MAGI2: variants seen among roughly 807,000 people sequenced by gnomAD.
MAGI2 encodes membrane associated guanylate kinase, WW and PDZ domain containing 2, also known as membrane-associated guanylate kinase, WW and PDZ domain-containing protein 2.
MAGI2 carries 35 observed loss-of-function variants against 133.3 expected under a neutral mutation model. That is an observed-to-expected ratio of 0.26 (90% CI 0.20 to 0.35). The LOEUF (loss-of-function observed/expected upper bound fraction) is 0.35. MAGI2 is among the 10% of genes least tolerant of loss of function. The pLI is 1.00. For synonymous variants in MAGI2, 729 were observed against 710.6 expected (o/e 1.03, Z -0.41); for missense variants, 1,636 against 1,863.4 (o/e 0.88, Z 2.25).
chr7:78,058,003 A>ATATATGTGTGTGTGTGTGTGTGTGTGTG lies in MAGI2; in HGVS notation c.3706+20943_3706+20944insCACACACACACACACACACACACATATA. Among the ~76,000 whole-genome samples the ATATATGTGTGTGTGTGTGTGTGTGTGTG allele has an allele frequency of 1.3e-3, 158 of 117,040 alleles. 4 individuals carry two copies. The highest frequency in any genetic ancestry group is 4.9e-3 in the African/African-American group (150 of 30,572). The allele number at this position is 117,040 out of a possible 152,430, so 76.8% of individuals were successfully genotyped here. A position where few individuals can be genotyped will look rare whatever the true frequency, so the allele number is the denominator to read the frequency against. On this transcript the variant is annotated intron_variant, in intron 21 of 21. Coordinates refer to ENST00000354212, the MANE Select transcript of MAGI2 (RefSeq NM_012301.4). Reference sequence around the variant, plus strand: ...TATATATATATATATATATATATATATGTATGAGAAACATCTTGAATATAA... The same window carrying ATATATGTGTGTGTGTGTGTGTGTGTGTG: ...TATATATATATATATATATATATATATATATGTGTGTGTGTGTGTGTGTGTGTGTGTATGAGAAACATCTTGAATATAA...
At chr7:79,091,009 A>G (rs542400517) in intron 1 of MAGI2, among the ~76,000 whole-genome samples, 2 of 148,434 alleles carry the variant, frequency 1.3e-5, no homozygotes, top group South Asian at 2.1e-4. Flanking sequence ...TTTTTCCTTT[A>G]TAAAACTCTT....
chr7:79,258,367 GA>G (rs1833848217), intron 1 of MAGI2, among the ~76,000 whole-genome samples: 1 of 152,092 alleles, frequency 6.6e-6, no homozygotes, highest in Non-Finnish European at 1.5e-5. Flanking sequence ...ATCAACAGGG[GA>G]AAAAACTTTA....
chr7:78,284,750 G>A (rs1200559845), intron 9 of MAGI2, among the ~76,000 whole-genome samples: 1 of 152,026 alleles, frequency 6.6e-6, no homozygotes, highest in Non-Finnish European at 1.5e-5. Context: ...TCATCAAAAT[G>A]GGAGCAGAAT....
chr7:78,275,522 C>A (rs1183531235), intron 9 of MAGI2, among the ~76,000 whole-genome samples: 1 of 151,958 alleles, frequency 6.6e-6, no homozygotes, highest in Non-Finnish European at 1.5e-5. Flanking sequence ...TTTGAATGGG[C>A]TAGTCAGCCT....
chr7:78,869,046 C>A (rs1794822599), intron 2 of MAGI2, among the ~76,000 whole-genome samples: 2 of 152,172 alleles, frequency 1.3e-5, no homozygotes, highest in Non-Finnish European at 2.9e-5. Context: ...AGCCACCATG[C>A]CCAGCCCCAA....
chr7:79,080,638 TATATTC>T (rs1815956103), intron 1 of MAGI2, among the ~76,000 whole-genome samples: 1 of 152,068 alleles, frequency 6.6e-6, no homozygotes, highest in Admixed American at 6.6e-5. Context: ...TCAAAGCTCT[TATATTC>T]TAATGGGTGT....
intron 2 of MAGI2, among the ~76,000 whole-genome samples, chr7:78,843,649 T>C (rs752626474): frequency 7.1e-4 from 108 of 151,876 alleles, no homozygotes; most frequent in Non-Finnish European, 6.3e-4. Flanking sequence ...TGTAGTCTTC[T>C]ATTAGACTTA....
intron 13 of MAGI2, among the ~76,000 whole-genome samples, chr7:78,180,787 C>T (rs1456705739): frequency 6.6e-6 from 1 of 152,092 alleles, no homozygotes; most frequent in African/African-American, 2.4e-5. Context: ...GAGAAGAATG[C>T]TGGTAGATGT....
At position 78,588,800 on chromosome 7, in the gene MAGI2, C is replaced by CTTTA. The variant is rs571107611; in HGVS notation, c.538+38319_538+38320insTAAA. Reference sequence around the variant, plus strand: ...ACTTTTTAAAGTGGCAAGTTTTTCCCAGTGTGCTCCAAATGTGATCAGATT... The same window carrying CTTTA: ...ACTTTTTAAAGTGGCAAGTTTTTCCCTTTAAGTGTGCTCCAAATGTGATCAGATT... On this transcript the variant is annotated intron_variant, in intron 3 of 21. Transcript: ENST00000354212. Among the ~76,000 whole-genome samples, 16 of 152,266 alleles carry CTTTA rather than the reference C, an allele frequency of 1.1e-4. No individual in the cohort carries two copies. The East Asian group carries it at 3.1e-3, about 29-fold the overall frequency.
chr7:78,057,971 A>G (rs923285331), intron 21 of MAGI2, among the ~76,000 whole-genome samples: 53 of 83,560 alleles, frequency 6.3e-4, no homozygotes, highest in South Asian at 1.3e-3. Context: ...CATTTTATAT[A>G]TATGTGTATA....
intron 21 of MAGI2, among the ~76,000 whole-genome samples, chr7:78,071,565 T>C (rs1814709069): frequency 6.6e-6 from 1 of 152,154 alleles, no homozygotes; most frequent in Non-Finnish European, 1.5e-5. Flanking sequence ...AAAGCCCCTG[T>C]CTCTGGCTCC....
chr7:78,157,337 T>C (rs539871599), intron 16 of MAGI2, among the ~76,000 whole-genome samples: 1 of 152,336 alleles, frequency 6.6e-6, no homozygotes, highest in African/African-American at 2.4e-5. Flanking sequence ...AATAATATCA[T>C]TTTGAAAGTG....
At chr7:79,334,454 C>T (rs1028696829) in intron 1 of MAGI2, among the ~76,000 whole-genome samples, 2 of 152,108 alleles carry the variant, frequency 1.3e-5, no homozygotes, top group African/African-American at 4.8e-5. Context: ...TTAAAAGCCC[C>T]TGACTTTGAT....
intron 3 of MAGI2, among the ~76,000 whole-genome samples, chr7:78,612,152 G>A (rs1806520334): frequency 6.6e-6 from 1 of 151,996 alleles, no homozygotes; most frequent in Non-Finnish European, 1.5e-5. Context: ...TAATAGAAGA[G>A]TTATAAACAT....
chr7:78,158,308 T>C (rs1316060124), intron 16 of MAGI2: 1 of 152,144 alleles, frequency 6.6e-6, no homozygotes, highest in Non-Finnish European at 1.5e-5. Context: ...CTATCCTCTC[T>C]TCTGTTCTAC....
intron 1 of MAGI2, among the ~76,000 whole-genome samples, chr7:79,062,336 C>T (rs1813835956): frequency 6.6e-6 from 1 of 152,122 alleles, no homozygotes; most frequent in Non-Finnish European, 1.5e-5. Flanking sequence ...TACATATTGC[C>T]ATTTCTGCCA....
intron 10 of MAGI2, among the ~76,000 whole-genome samples, chr7:78,207,122 G>C (rs1334066490): frequency 2.6e-5 from 4 of 152,068 alleles, no homozygotes; most frequent in Non-Finnish European, 5.9e-5. Flanking sequence ...AGAGAAAAAA[G>C]AGAAAGTAAT....
intron 2 of MAGI2, among the ~76,000 whole-genome samples, chr7:78,708,412 C>T (rs552323808): frequency 6.6e-6 from 1 of 152,164 alleles, no homozygotes; most frequent in African/African-American, 2.4e-5. Flanking sequence ...AAGAATAATT[C>T]AGAGCCTTTT....
intron 1 of MAGI2, among the ~76,000 whole-genome samples, chr7:79,285,085 T>C (rs750786323): frequency 1.3e-5 from 2 of 152,062 alleles, no homozygotes; most frequent in Non-Finnish European, 2.9e-5. Context: ...TGACTCTTAA[T>C]AAGATGAATT....
Sources: allele counts gnomAD v4.1 joint callset (sites outside exome capture counted in the v4.1 genomes callset), GRCh38; gene constraint gnomAD v4.1.1; transcripts MANE v1.5; gene names NCBI Gene and HGNC (gene_info 2026-07-23, HGNC 2026-07-21).